Variants in MLLT3 observed in about 807,000 individuals in gnomAD.
MLLT3 encodes the protein MLLT3 super elongation complex subunit.
Under a neutral mutation model 53.2 loss-of-function variants are expected in MLLT3, and 4 were observed. The observed-to-expected ratio is 0.08, with a 90% confidence interval of 0.04 to 0.17. The LOEUF is 0.17. Ranked by LOEUF, MLLT3 falls within the 10% of genes least tolerant of loss-of-function variation. The pLI is 1.00. For missense variants in MLLT3, 569 were observed against 684.0 expected (o/e 0.83, Z 1.87); for synonymous variants, 283 against 230.6 (o/e 1.23, Z -2.06).
At position 20,534,693 on chromosome 9, in the gene MLLT3, C is replaced by T. The variant is rs563572520; in HGVS notation, c.194-77907G>A. On this transcript the variant is annotated intron_variant, in intron 2 of 10. Coordinates refer to ENST00000380338, the MANE Select transcript of MLLT3 (RefSeq NM_004529.4). ...CGAGGTCAGGAGATCGAGACCATCCCGGATAACACAGTGAAACCCTGTCTC... is the reference window on the plus strand; with the variant it reads ...CGAGGTCAGGAGATCGAGACCATCCTGGATAACACAGTGAAACCCTGTCTC... 5.9e-5 allele frequency among the ~76,000 whole-genome samples: 9 copies of T among 152,068 alleles called. No homozygotes were observed. The East Asian group carries it at 1.7e-3, about 29-fold the overall frequency.
At chr9:20,350,867 A>C (rs952366014) in intron 10 of MLLT3, among the ~76,000 whole-genome samples, 1 of 152,186 alleles carries the variant, frequency 6.6e-6, no homozygotes, top group Non-Finnish European at 1.5e-5. Flanking sequence ...TTTTGGTCTG[A>C]TTATAATTTC....
chr9:20,445,979 T>C (rs972830574), intron 4 of MLLT3, among the ~76,000 whole-genome samples: 5 of 152,114 alleles, frequency 3.3e-5, no homozygotes, highest in African/African-American at 1.2e-4. Flanking sequence ...AGACAAATGG[T>C]TAAAGCCAGG....
intron 8 of MLLT3, among the ~76,000 whole-genome samples, chr9:20,358,189 G>A (rs1821221095): frequency 6.6e-6 from 1 of 152,106 alleles, no homozygotes; most frequent in Non-Finnish European, 1.5e-5. Context: ...CCCAGTGCAA[G>A]TGATTTGAGG....
At chr9:20,429,961 GTA>G (rs1323054576) in intron 4 of MLLT3, among the ~76,000 whole-genome samples, 1 of 152,070 alleles carries the variant, frequency 6.6e-6, no homozygotes, top group Admixed American at 6.6e-5. Flanking sequence ...AATAAGACAG[GTA>G]TGTGTCATTA....
At position 20,428,689 on chromosome 9, in the gene MLLT3, C is replaced by CA. The variant is rs1177866450; in HGVS notation, c.421-14265dup. On this transcript the variant is annotated intron_variant, in intron 4 of 10. Coordinates refer to ENST00000380338, the MANE Select transcript of MLLT3 (RefSeq NM_004529.4). ...TTTGTAACCCTAATAAAACAGTCAACAAAGCCTAAGGAAAGAACTTTGAAA... is the reference window on the plus strand; with the variant it reads ...TTTGTAACCCTAATAAAACAGTCAACAAAAGCCTAAGGAAAGAACTTTGAAA... 2.0e-5 allele frequency among the ~76,000 whole-genome samples: 3 copies of CA among 151,856 alleles called. No homozygotes were observed. The East Asian group carries it at 5.8e-4, about 29-fold the overall frequency.
rs1554673228 is a variant in MLLT3 at position 20,342,834 on chromosome 9, G to GTGTATA, written c.*3608_*3609insTATACA. On this transcript the variant is annotated 3_prime_UTR_variant, in exon 11 of 11. Transcript: ENST00000380338. ...AAGATTACTCTGATAATATATATGTGTATATATATATATATATGTATATAT... is the reference window on the plus strand; with the variant it reads ...AAGATTACTCTGATAATATATATGTGTGTATATATATATATATATATATGTATATAT... The GTGTATA allele has an allele frequency of 2.3e-4, 39 of 166,690 alleles. No individual in the cohort carries two copies. The highest frequency in any genetic ancestry group is 8.9e-4 in the African/African-American group (36 of 40,232). The allele number at this position is 166,690 out of a possible 1,614,324, so 10.3% of individuals were successfully genotyped here.
rs749239229 is a variant in MLLT3 at position 20,414,345 on chromosome 9, A to ACTG, written c.498_500dup (p.Ser190dup). On this transcript the variant is annotated inframe_insertion, in exon 5 of 11. Coordinates refer to ENST00000380338, the MANE Select transcript of MLLT3 (RefSeq NM_004529.4). ...TGCTGCTGCTGCTGCTGCTGCTGCTACTGCTGCTGCTGCTGCTGCTGCTGC... is the reference window on the plus strand; with the variant it reads ...TGCTGCTGCTGCTGCTGCTGCTGCTACTGCTGCTGCTGCTGCTGCTGCTGCTGC... 4.3e-3 allele frequency: 6,445 copies of ACTG among 1,492,834 alleles called. 15 individuals are homozygous for ACTG. Among genetic ancestry groups the ACTG allele is most frequent in the African/African-American group, 0.014 (940 of 68,856 alleles). The allele number at this position is 1,492,834 out of a possible 1,614,324, so 92.5% of individuals were successfully genotyped here.
intron 2 of MLLT3, among the ~76,000 whole-genome samples, chr9:20,584,883 G>A (rs1476197225): frequency 2.0e-5 from 3 of 152,144 alleles, no homozygotes; most frequent in Non-Finnish European, 4.4e-5. Flanking sequence ...TCCATTGTGT[G>A]GATGCACCAG....
At chr9:20,348,371 G>C (rs1238358555) in intron 10 of MLLT3, among the ~76,000 whole-genome samples, 1 of 152,146 alleles carries the variant, frequency 6.6e-6, no homozygotes, top group Non-Finnish European at 1.5e-5. Flanking sequence ...GAATATTTCT[G>C]AAAAGGGTAT....
At chr9:20,545,384 G>A (rs1019449474) in intron 2 of MLLT3, among the ~76,000 whole-genome samples, 5 of 152,176 alleles carry the variant, frequency 3.3e-5, no homozygotes, top group Non-Finnish European at 4.4e-5. Flanking sequence ...AAGTAGAATG[G>A]TGGCTGCCTG....
chr9:20,534,965 G>T (rs966157882), intron 2 of MLLT3, among the ~76,000 whole-genome samples: 1 of 152,144 alleles, frequency 6.6e-6, no homozygotes, highest in African/African-American at 2.4e-5. Context: ...CCAAAGACAT[G>T]AACTAATCAT....
At chr9:20,582,870 G>A (rs950888243) in intron 2 of MLLT3, among the ~76,000 whole-genome samples, 1 of 152,080 alleles carries the variant, frequency 6.6e-6, no homozygotes, top group Non-Finnish European at 1.5e-5. Context: ...TTGAGATTTG[G>A]GTGGGGGCAC....
intron 4 of MLLT3, among the ~76,000 whole-genome samples, chr9:20,437,254 T>G (rs1469198386): frequency 2.0e-5 from 3 of 152,158 alleles, no homozygotes; most frequent in Non-Finnish European, 4.4e-5. Context: ...TGTGAGACAT[T>G]CACATTCTAT....
chr9:20,468,750 C>G (rs930132475), intron 2 of MLLT3, among the ~76,000 whole-genome samples: 3 of 152,184 alleles, frequency 2.0e-5, no homozygotes, highest in Non-Finnish European at 4.4e-5. Flanking sequence ...CATCTAAAAT[C>G]CTAACATTCA....
At chr9:20,517,540 A>C (rs141080874) in intron 2 of MLLT3, among the ~76,000 whole-genome samples, 9 of 152,128 alleles carry the variant, frequency 5.9e-5, no homozygotes, top group East Asian at 1.9e-4. Flanking sequence ...GTGGGGTCAG[A>C]AAATAAAGAA....
At chr9:20,568,779 G>C (rs1052162528) in intron 2 of MLLT3, among the ~76,000 whole-genome samples, 1 of 152,142 alleles carries the variant, frequency 6.6e-6, no homozygotes, top group African/African-American at 2.4e-5. Flanking sequence ...TTAAGTCCTT[G>C]TTATGTACAA....
At chr9:20,596,293 G>C (rs577701304) in intron 2 of MLLT3, among the ~76,000 whole-genome samples, 1 of 152,182 alleles carries the variant, frequency 6.6e-6, no homozygotes, top group South Asian at 2.1e-4. Flanking sequence ...TGAATTACCA[G>C]GAAAACTATG....
intron 5 of MLLT3, among the ~76,000 whole-genome samples, chr9:20,400,460 CTT>C (rs758495526): frequency 2.6e-5 from 4 of 152,128 alleles, no homozygotes; most frequent in African/African-American, 4.8e-5. Flanking sequence ...GATATTAAGA[CTT>C]AACTAATTAC....
At chr9:20,357,843 A>G (rs1367201519) in intron 8 of MLLT3, among the ~76,000 whole-genome samples, 22 of 152,190 alleles carry the variant, frequency 1.4e-4, no homozygotes, top group Admixed American at 1.3e-3. Context: ...GTATGGAAGG[A>G]GGAAACTCAA....
Sources: gnomAD v4.1 joint callset for allele counts (sites outside exome capture counted in the v4.1 genomes callset) on GRCh38, gnomAD v4.1.1 for gene constraint, MANE v1.5 for transcripts, NCBI Gene and HGNC (gene_info 2026-07-23, HGNC 2026-07-21) for gene names.